The following EIF3F variants were observed in gnomAD, a reference collection of about 807,000 sequenced individuals.
The protein encoded by EIF3F is eukaryotic translation initiation factor 3 subunit F.
EIF3F carries 8 observed loss-of-function variants against 36.0 expected under a neutral mutation model. The ratio of observed to expected loss-of-function variants is 0.22; its 90% CI spans 0.13 to 0.40. The LOEUF is 0.40. Among genes scored for constraint, EIF3F ranks in the 10% least tolerant of loss-of-function variants. The pLI is 1.00. For synonymous variants in EIF3F, 184 were observed against 188.5 expected (o/e 0.98, Z 0.19); for missense variants, 430 against 467.6 (o/e 0.92, Z 0.74).
chr11:7,994,952 C>G, intron 5 of EIF3F, 30 bp from the exon 6 acceptor site: 2 of 1,608,724 alleles, frequency 1.2e-6, no homozygotes, highest in Non-Finnish European at 1.7e-6. Flanking sequence ...CCACCACTGC[C>G]GCTGCCACCC....
chr11:7,988,427 C>T (rs928171849), intron 1 of EIF3F, among the ~76,000 whole-genome samples: 1 of 151,820 alleles, frequency 6.6e-6, no homozygotes. Context: ...TGCCCTTAAC[C>T]TTCAGGTCGA....
intron 1 of EIF3F, among the ~76,000 whole-genome samples, chr11:7,991,194 G>GAA (rs917471795): frequency 7.5e-6 from 1 of 133,800 alleles, no homozygotes; most frequent in Non-Finnish European, 1.6e-5. Context: ...TTTCGTCTCA[G>GAA]AAAAAAAAAA....
At chr11:7,990,387 G>A (rs1385301496) in intron 1 of EIF3F, among the ~76,000 whole-genome samples, 1 of 152,096 alleles carries the variant, frequency 6.6e-6, no homozygotes. Flanking sequence ...ACTTAATTCT[G>A]CCTTTGTAGC....
At chr11:7,992,826 G>C (rs1407128579) in intron 3 of EIF3F, 61 bp from the exon 4 acceptor site, 5 of 1,610,436 alleles carry the variant, frequency 3.1e-6, no homozygotes, top group Non-Finnish European at 4.2e-6. Context: ...CCATGCCACT[G>C]TTGTGTTTGA....
At position 7,999,267 on chromosome 11, in the gene EIF3F, A is replaced by G. The variant is rs1337379110; in HGVS notation, c.*3245A>G. On this transcript the variant is annotated 3_prime_UTR_variant, in exon 8 of 8. Transcript: ENST00000651655. ...TGGGTGACAGCAAGATCCTTTCTCAAGAAAAAAAGTGAAAAGGAGGAGGGT... is the reference window on the plus strand; with the variant it reads ...TGGGTGACAGCAAGATCCTTTCTCAGGAAAAAAAGTGAAAAGGAGGAGGGT... 1 of 152,186 alleles carries G rather than the reference A, an allele frequency of 6.6e-6. No individual in the cohort carries two copies. Among genetic ancestry groups the G allele is most frequent in the African/African-American group, 2.4e-5 (1 of 41,442 alleles). The allele number at this position is 152,186 out of a possible 1,614,324, so 9.4% of individuals were successfully genotyped here.
At chr11:7,994,608 G>A in intron 5 of EIF3F, 91 bp downstream of exon 5, 3 of 1,168,506 alleles carry the variant, frequency 2.6e-6, no homozygotes, top group South Asian at 1.4e-5. Context: ...GGCCTTGGGT[G>A]GTTTGAAAAG....
At chr11:7,988,600 C>T (rs1009113186) in intron 1 of EIF3F, among the ~76,000 whole-genome samples, 1 of 152,154 alleles carries the variant, frequency 6.6e-6, no homozygotes, top group Non-Finnish European at 1.5e-5. Context: ...CATCTTAGTG[C>T]CAGATTTTAA....
At chr11:7,993,067 G>A (rs879120523) in intron 4 of EIF3F, 43 bp downstream of exon 4, 1 of 1,511,210 alleles carries the variant, frequency 6.6e-7, no homozygotes, top group Admixed American at 2.2e-5. Context: ...ACCATGCCCA[G>A]ATGCCATCCC....
In EIF3F at chr11:8,001,386, A is replaced by G. The variant is rs1183231001; in HGVS notation, c.*5364A>G. ...TTCCACTCCTCATTATATATCCTAC[A>G]AATAAACTGGTCTCGTTATGACACA... is the stretch of plus-strand genomic sequence containing the variant. On this transcript the variant is annotated 3_prime_UTR_variant, in exon 8 of 8. Coordinates refer to ENST00000651655, the MANE Select transcript of EIF3F (RefSeq NM_003754.3). 1 of 152,204 alleles carries G rather than the reference A, an allele frequency of 6.6e-6. No homozygotes were observed. The highest frequency in any genetic ancestry group is 1.5e-5 in the Non-Finnish European group (1 of 68,042). The allele number at this position is 152,204 out of a possible 1,614,324, so 9.4% of individuals were successfully genotyped here.
rs1333954021 is a variant in EIF3F at position 7,987,448 on chromosome 11, A to G, written c.96A>G (p.Ala32=). Residue 32 remains alanine (A), a synonymous_variant, in exon 1 of 8, where the codon GCA becomes GCG. Coordinates refer to ENST00000651655, the MANE Select transcript of EIF3F (RefSeq NM_003754.3). The stretch of plus-strand genomic sequence containing the variant: ...CCTCAGTTCCAGCGCCAACGCCAGC[A>G]CCGGCTGCGGCTCCGGTTCCCGCTG... ...APASVPAPTP[A]PAAAPVPAAA... is the part of the protein sequence containing the mutation. The G allele has an allele frequency of 1.2e-6, 2 of 1,603,182 alleles. No individual in the cohort carries two copies. Among genetic ancestry groups the G allele is most frequent in the East Asian group, 2.2e-5 (1 of 44,782 alleles).
intron 1 of EIF3F, among the ~76,000 whole-genome samples, chr11:7,989,059 A>C (rs541766248): frequency 6.6e-6 from 1 of 152,144 alleles, no homozygotes; most frequent in Admixed American, 6.5e-5. Context: ...GCTGTCCTTC[A>C]TTTGTTTAAG....
Position 7,994,440 on chromosome 11 carries a change from T to G in EIF3F, c.668T>G (p.Val223Gly), listed in dbSNP as rs759072919. Residue 223 changes from valine to glycine, a missense_variant, in exon 5 of 8, where the codon GTC (valine) becomes GGC (glycine). Around this residue, in one of 2 missense-constraint regions of EIF3F, gnomAD observed 262 missense variants for 347.4 expected, o/e 0.75. Coordinates refer to ENST00000651655, the MANE Select transcript of EIF3F (RefSeq NM_003754.3). ...TCCTTCCGCAGCACTTTAATGGGAG[T>G]CCCTGGGAGGACCATGGGAGTGATG... ...IKAYVSTLMG[V>G]PGRTMGVMFT... 1.9e-6 allele frequency: 3 copies of G among 1,613,822 alleles called. No homozygotes were observed. The highest frequency in any genetic ancestry group is 2.5e-6 in the Non-Finnish European group (3 of 1,179,944).
At chr11:7,995,745 T>A in intron 7 of EIF3F, 200 bp from the exon 8 acceptor site, 1 of 646,528 alleles carries the variant, frequency 1.5e-6, no homozygotes, top group Non-Finnish European at 2.8e-6. Flanking sequence ...AGTCTATAAG[T>A]GTATCAGTAG....
In EIF3F at chr11:7,995,075, A is replaced by G. The variant is rs1942145188; in HGVS notation, c.839A>G (p.Gln280Arg). The G allele has an allele frequency of 6.2e-7, 1 of 1,613,938 alleles. No homozygotes were observed. Among genetic ancestry groups the G allele is most frequent in the Non-Finnish European group, 8.5e-7 (1 of 1,179,936 alleles). Reference sequence around the variant, plus strand: ...GTAGGAGGGGCATCAGCTCGCATCCAGGATGCCCTGAGTACAGTGTTGCAA... The same window carrying G: ...GTAGGAGGGGCATCAGCTCGCATCCGGGATGCCCTGAGTACAGTGTTGCAA... ...QQVGGASARIQDALSTVLQYA... is the reference protein window; with the variant it reads ...QQVGGASARIRDALSTVLQYA... Residue 280 changes from glutamine to arginine, a missense_variant, in exon 6 of 8, where the codon CAG becomes CGG. Gln to Arg is a conservative substitution (Grantham distance 43, BLOSUM62 1). Transcript: ENST00000651655.
intron 1 of EIF3F, among the ~76,000 whole-genome samples, chr11:7,990,844 G>C (rs368264880): frequency 6.7e-6 from 1 of 149,734 alleles, no homozygotes. Flanking sequence ...GTGGTCTTAG[G>C]TCAAGAAACA....
rs915184243 is a variant in EIF3F, at chr11:7,999,198, G to A, written c.*3176G>A. On this transcript the variant is annotated 3_prime_UTR_variant, in exon 8 of 8. Transcript: ENST00000651655. ...GGCAGGAGAATCTCGAACCCAGGAG[G>A]TAGGGGTTGCAGTGAGCTGAGATCG... 2 of 152,254 alleles carry A rather than the reference G, an allele frequency of 1.3e-5. No individual in the cohort carries two copies. The highest frequency in any genetic ancestry group is 4.8e-5 in the African/African-American group (2 of 41,448). The allele number at this position is 152,254 out of a possible 1,614,324, so 9.4% of individuals were successfully genotyped here.
At chr11:7,995,537 G>A (rs529752404) in intron 7 of EIF3F, 170 bp downstream of exon 7, 12 of 642,110 alleles carry the variant, frequency 1.9e-5, no homozygotes, top group South Asian at 3.7e-5. Context: ...TGTGTTATGC[G>A]TGGTTGGAGA....
chr11:7,989,020 G>A (rs79900179), intron 1 of EIF3F, among the ~76,000 whole-genome samples: 25 of 152,256 alleles, frequency 1.6e-4, no homozygotes, highest in African/African-American at 5.8e-4. Context: ...CCAAGCTTTT[G>A]CGTTCTCTTT....
In EIF3F at chr11:7,995,064, A is replaced by G. The variant is rs1183065779; in HGVS notation, c.828A>G (p.Ser276=). The G allele has an allele frequency of 6.2e-7, 1 of 1,613,924 alleles. No individual in the cohort carries two copies. The highest frequency in any genetic ancestry group is 1.3e-5 in the African/African-American group (1 of 74,926). Residue 276 remains serine, a synonymous_variant, in exon 6 of 8, where the codon TCA becomes TCG. Coordinates refer to ENST00000651655, the MANE Select transcript of EIF3F (RefSeq NM_003754.3). ...SSDLQQVGGA[S]ARIQDALSTV... ...ACTTGCAGCAAGTAGGAGGGGCATC[A>G]GCTCGCATCCAGGATGCCCTGAGTA...
Sources: gnomAD v4.1 joint callset for allele counts (sites outside exome capture counted in the v4.1 genomes callset) on GRCh38, gnomAD v4.1.1 for gene constraint, gnomAD v4.1.1 regional missense constraint, MANE v1.5 for transcripts, NCBI Gene and HGNC (gene_info 2026-07-23, HGNC 2026-07-21) for gene names.